The following MAP3K15 variants were observed in gnomAD, a reference collection of about 807,000 sequenced individuals.
MAP3K15 encodes the protein mitogen-activated protein kinase kinase kinase 15, also known as MAPK/ERK kinase kinase 15.
Under a neutral mutation model 99.5 loss-of-function variants are expected in MAP3K15, and 124 were observed. The ratio of observed to expected loss-of-function variants is 1.25; its 90% confidence interval spans 1.08 to 1.45. The LOEUF (loss-of-function observed/expected upper bound fraction) is 1.45, where lower values mean the gene tolerates loss of function less well. Among genes scored for constraint, MAP3K15 ranks in the 40% most tolerant of loss-of-function variants. The probability of loss-of-function intolerance (pLI) is 0.00; values close to 1 mark genes in which losing one functional copy is unlikely to be tolerated. For missense variants in MAP3K15, 1,242 were observed against 1,079.7 expected (o/e 1.15, Z -2.11); for synonymous variants, 494 against 439.6 (o/e 1.12, Z -1.55).
At chrX:19,438,670 A>T (rs2063939028) in intron 6 of MAP3K15, among the ~76,000 whole-genome samples, 2 of 111,856 alleles carry the variant, frequency 1.8e-5, no homozygotes, top group Non-Finnish European at 3.8e-5. Flanking sequence ...TGTGTCTGTA[A>T]GAGGAAATTC....
In MAP3K15 at chrX:19,511,918, C is replaced by G. The variant is rs938569227; in HGVS notation, c.361+2983G>C. Among the ~76,000 whole-genome samples, 8 of 112,043 alleles carry G rather than the reference C, an allele frequency of 7.1e-5. No homozygotes were observed. In the South Asian group the frequency reaches 1.9e-3, roughly 26 times the overall value. ...CAATAGCAAAGACTTGGAACCAACC[C>G]AAATGCCCATCAATGATAGACTGGA... On this transcript the variant is annotated intron_variant, in intron 1 of 28. Transcript: ENST00000338883.
At chrX:19,420,514 A>G (rs1443050797) in intron 9 of MAP3K15, among the ~76,000 whole-genome samples, 3 of 111,625 alleles carry the variant, frequency 2.7e-5, no homozygotes, top group Admixed American at 1.9e-4. Flanking sequence ...GAATAGACCA[A>G]TAACAGGCTC....
chrX:19,382,339 C>T (rs1172528816), intron 18 of MAP3K15, among the ~76,000 whole-genome samples: 1 of 109,131 alleles, frequency 9.2e-6, no homozygotes, highest in Non-Finnish European at 1.9e-5. Context: ...TCTGGAAGAT[C>T]CTATGTCTTA....
chrX:19,453,407 G>A (rs1188038754), intron 6 of MAP3K15, among the ~76,000 whole-genome samples: 1 of 109,113 alleles, frequency 9.2e-6, no homozygotes, highest in African/African-American at 3.4e-5. Flanking sequence ...GGCTAAGGCA[G>A]CAGAATCGCT....
chrX:19,424,295 C>CAT (rs1358329280), intron 9 of MAP3K15, among the ~76,000 whole-genome samples: 1 of 99,041 alleles, frequency 1.0e-5, no homozygotes, highest in Non-Finnish European at 1.9e-5. Context: ...TATATATACA[C>CAT]ATATATATAC....
At chrX:19,426,077 A>G (rs910435102) in intron 8 of MAP3K15, among the ~76,000 whole-genome samples, 154 bp downstream of exon 8, 2 of 111,797 alleles carry the variant, frequency 1.8e-5, no homozygotes, top group Non-Finnish European at 3.8e-5. Context: ...AGCCAAGATC[A>G]CACCACTACA....
At position 19,515,352 on chromosome X, in the gene MAP3K15, C is replaced by T. The variant is rs1189119182; in HGVS notation, c.-91G>A. 21 of 544,388 alleles carry T rather than the reference C, an allele frequency of 3.9e-5. No individual in the cohort carries two copies. The highest frequency in any genetic ancestry group is 4.8e-5 in the Non-Finnish European group (21 of 437,871). 44.9% of individuals were successfully genotyped at this position (544,388 alleles called of 1,213,427 possible). A position where few individuals can be genotyped will look rare whatever the true frequency, so the allele number is the denominator to read the frequency against. On this transcript the variant is annotated 5_prime_UTR_variant, in exon 1 of 29. Transcript: ENST00000338883. Reference sequence around the variant, plus strand: ...GTTACAGCAGCCGCGCAGGCGGTCCCGGCACCTGCTCCTGAAGCGCGGGAC... The same window carrying T: ...GTTACAGCAGCCGCGCAGGCGGTCCTGGCACCTGCTCCTGAAGCGCGGGAC...
At chrX:19,426,792 T>A (rs1279910930) in intron 7 of MAP3K15, among the ~76,000 whole-genome samples, 1 of 79,513 alleles carries the variant, frequency 1.3e-5, no homozygotes, top group Non-Finnish European at 2.2e-5. Context: ...CACTCCAGCC[T>A]GGGTGACAGA....
intron 11 of MAP3K15, 78 bp from the exon 12 acceptor site, chrX:19,410,051 A>T: frequency 2.3e-6 from 2 of 879,684 alleles, no homozygotes; most frequent in East Asian, 6.3e-5. Context: ...TTCTATGGTC[A>T]ATCATTTCTG....
At chrX:19,450,847 T>C (rs1347297893) in intron 6 of MAP3K15, among the ~76,000 whole-genome samples, 2 of 105,146 alleles carry the variant, frequency 1.9e-5, no homozygotes, top group Non-Finnish European at 4.0e-5. Context: ...CATGTATTAT[T>C]GGCAAGGCCA....
At chrX:19,454,634 G>A (rs1447127470) in intron 6 of MAP3K15, among the ~76,000 whole-genome samples, 1 of 111,509 alleles carries the variant, frequency 9.0e-6, no homozygotes, top group Non-Finnish European at 1.9e-5. Flanking sequence ...GCCATGATTT[G>A]CTCCACTTCC....
intron 3 of MAP3K15, among the ~76,000 whole-genome samples, chrX:19,472,257 A>G (rs868629201): frequency 2.6e-5 from 1 of 38,253 alleles, no homozygotes; most frequent in African/African-American, 6.3e-5. Context: ...TAATAATAAT[A>G]ATAATAATAA....
At chrX:19,492,027 G>T (rs1293742104) in intron 1 of MAP3K15, among the ~76,000 whole-genome samples, 1 of 104,312 alleles carries the variant, frequency 9.6e-6, no homozygotes, top group Non-Finnish European at 2.0e-5. Flanking sequence ...GTCTCACTCT[G>T]TTGCCCAGGG....
intron 3 of MAP3K15, among the ~76,000 whole-genome samples, chrX:19,478,412 G>A (rs973499267): frequency 6.6e-5 from 7 of 106,845 alleles, no homozygotes; most frequent in Admixed American, 4.0e-4. Context: ...CTACCAAAGC[G>A]TCCCTAAGCA....
intron 9 of MAP3K15, among the ~76,000 whole-genome samples, chrX:19,421,314 A>C (rs2063782008): frequency 8.9e-6 from 1 of 111,799 alleles, no homozygotes; most frequent in Admixed American, 9.5e-5. Flanking sequence ...TCAAGCTGAT[A>C]AGCAACTTCA....
In MAP3K15 at chrX:19,361,565, G is replaced by A. The variant is rs372102191; in HGVS notation, c.3708C>T (p.Tyr1236=). The part of the protein sequence containing the change: ...NCITENPAGP[Y]GQRTDKELID... ...TAAGCTCTTTATCTGTTCTCTGCCC[G>A]TAGGGGCCTGCTGGGTTCTCTGTAA... Residue 1236 remains tyrosine (Y), a synonymous_variant, in exon 27 of 29, where the codon TAC becomes TAT. Transcript: ENST00000338883. 6 of 1,207,618 alleles carry A rather than the reference G, an allele frequency of 5.0e-6. No homozygotes were observed. The highest frequency in any genetic ancestry group is 3.5e-5 in the African/African-American group (2 of 57,342).
chrX:19,461,992 A>AACACACACACACACAC (rs66666219), intron 4 of MAP3K15, among the ~76,000 whole-genome samples: 85 of 100,620 alleles, frequency 8.4e-4, no homozygotes, highest in Non-Finnish European at 1.2e-3. Context: ...CTTGGTCTAA[A>AACACACACACACACAC]ACACACACAC....
intron 18 of MAP3K15, among the ~76,000 whole-genome samples, chrX:19,384,763 A>G (rs1276154373): frequency 1.9e-5 from 2 of 103,112 alleles, no homozygotes; most frequent in African/African-American, 7.3e-5. Context: ...AAAAAAAAAA[A>G]AAAAAAAAAA....
chrX:19,366,618 T>C (rs2063336765), intron 25 of MAP3K15, among the ~76,000 whole-genome samples: 1 of 112,073 alleles, frequency 8.9e-6, no homozygotes, highest in Non-Finnish European at 1.9e-5. Flanking sequence ...CTTTCATTCT[T>C]TCTTGTCTGC....
Sources: allele counts gnomAD v4.1 joint callset (sites outside exome capture counted in the v4.1 genomes callset), GRCh38; gene constraint gnomAD v4.1.1; transcripts MANE v1.5; gene names NCBI Gene and HGNC (gene_info 2026-07-23, HGNC 2026-07-21).